Variants in HINFP observed in about 807,000 individuals in gnomAD.
HINFP encodes MBD2 (methyl-CpG-binding protein)-interacting zinc finger protein.
A neutral mutation model predicts 50.1 loss-of-function variants in HINFP; 20 were observed. The observed-to-expected ratio is 0.40, with a 90% confidence interval of 0.28 to 0.58. The LOEUF (loss-of-function observed/expected upper bound fraction) is 0.58. Ranked by LOEUF, HINFP falls within the 20% of genes least tolerant of loss-of-function variation. The pLI is 0.45. For missense variants in HINFP, 505 were observed against 664.1 expected (o/e 0.76, Z 2.63); for synonymous variants, 247 against 243.7 (o/e 1.01, Z -0.13).
In HINFP at chr11:119,135,349, C is replaced by T. The variant is rs1225756932; in HGVS notation, c.*851C>T. On this transcript the variant is annotated 3_prime_UTR_variant, in exon 10 of 10. Coordinates refer to ENST00000350777, the MANE Select transcript of HINFP (RefSeq NM_198971.3). ...GGAGGATAGGGCAGCTGACCATGGC[C>T]TCACTCTGAATACTGATTAGAACCC... 1 of 152,184 alleles carries T rather than the reference C, an allele frequency of 6.6e-6. No homozygotes were observed. Among genetic ancestry groups the T allele is most frequent in the East Asian group, 1.9e-4 (1 of 5,184 alleles). The allele number at this position is 152,184 out of a possible 1,614,324, so 9.4% of individuals were successfully genotyped here.
At chr11:119,121,996 C>G (rs1357677238) in intron 1 of HINFP, 1 of 152,304 alleles carries the variant, frequency 6.6e-6, no homozygotes, top group South Asian at 2.1e-4. Flanking sequence ...GTCTCTCTGT[C>G]CTGGTCTCCC....
chr11:119,127,925 G>A (rs1947508453), intron 2 of HINFP, among the ~76,000 whole-genome samples: 3 of 149,952 alleles, frequency 2.0e-5, no homozygotes, highest in South Asian at 4.2e-4. Context: ...GTTCGATCTC[G>A]GCTCACTGCA....
rs769231157 is a variant in HINFP at position 119,130,744 on chromosome 11, G to A, written c.201G>A (p.Leu67=). 2 of 1,614,096 alleles carry A rather than the reference G, an allele frequency of 1.2e-6. No homozygotes were observed. Among genetic ancestry groups the A allele is most frequent in the Non-Finnish European group, 1.7e-6 (2 of 1,179,926 alleles). The change falls in exon 3 of 10, where the codon TTG becomes TTA. Residue 67 remains leucine (L), a synonymous_variant. Transcript: ENST00000350777. ...DDPLEEEFSC[L]WQECGFCSLD... is the part of the protein sequence containing the mutation. The stretch of plus-strand genomic sequence containing the variant: ...CTACAGAGGAAGAATTCTCCTGCTT[G>A]TGGCAGGAATGTGGCTTTTGTTCTC...
intron 1 of HINFP, chr11:119,124,738 C>G (rs1947290682): frequency 6.6e-6 from 1 of 152,112 alleles, no homozygotes; most frequent in Non-Finnish European, 1.5e-5. Context: ...CTCTGGGAGG[C>G]TGAGGCGGGT....
chr11:119,126,750 A>G lies in HINFP; in HGVS notation c.-10-185A>G, dbSNP rs1328960558. On this transcript the variant is annotated intron_variant, in intron 1 of 9. Coordinates refer to ENST00000350777, the MANE Select transcript of HINFP (RefSeq NM_198971.3). ...GTGTTAGTTTTTGTTTTCCCTTTCC[A>G]CAAACACCAGACATCTTCCAGGGAT... is the stretch of plus-strand genomic sequence containing the variant. The G allele has an allele frequency of 2.6e-5, 14 of 544,998 alleles. 1 individual carries two copies. Among genetic ancestry groups the G allele is most frequent in the Non-Finnish European group, 4.2e-5 (13 of 312,508 alleles). 33.8% of individuals were successfully genotyped at this position (544,998 alleles called of 1,614,324 possible). A position where few individuals can be genotyped will look rare whatever the true frequency, so the allele number is the denominator to read the frequency against.
At chr11:119,133,670 G>A (rs181476445) in intron 9 of HINFP, 9 of 240,764 alleles carry the variant, frequency 3.7e-5, no homozygotes, top group African/African-American at 2.0e-4. Context: ...TAAGAATAAT[G>A]GTGGAGCAAA....
At chr11:119,130,046 C>T (rs1365397786) in intron 2 of HINFP, 1 of 152,226 alleles carries the variant, frequency 6.6e-6, no homozygotes, top group Admixed American at 6.5e-5. Flanking sequence ...CTTAGGGATG[C>T]TAGAGAGATA....
At chr11:119,133,659 C>G (rs1049506378) in intron 9 of HINFP, 1 of 228,424 alleles carries the variant, frequency 4.4e-6, no homozygotes, top group Non-Finnish European at 8.6e-6. Flanking sequence ...TCAAAGAATC[C>G]TAAGAATAAT....
In HINFP at chr11:119,131,516, C is replaced by T; in HGVS notation, c.412-19C>T. 2 of 1,581,668 alleles carry T rather than the reference C, an allele frequency of 1.3e-6. No individual in the cohort carries two copies. The highest frequency in any genetic ancestry group is 1.7e-6 in the Non-Finnish European group (2 of 1,150,434). On this transcript the variant is annotated intron_variant, in intron 3 of 9. Coordinates refer to ENST00000350777, the MANE Select transcript of HINFP (RefSeq NM_198971.3). This position sits in a 1 kb window ranked among gnomAD's most constrained non-coding sequence, Gnocchi z 4.2. Reference sequence around the variant, plus strand: ...CTCTACCCACCCTCAGTCCTCACCCCAAGTTGCCCCTGGCACAGAATTCCT... The same window carrying T: ...CTCTACCCACCCTCAGTCCTCACCCTAAGTTGCCCCTGGCACAGAATTCCT...
chr11:119,126,873 T>C, intron 1 of HINFP, 62 bp from the exon 2 acceptor site: 1 of 1,484,592 alleles, frequency 6.7e-7, no homozygotes, highest in Non-Finnish European at 9.1e-7. Context: ...TGCCCAGCTT[T>C]TTGCCCTCAG....
intron 9 of HINFP, 154 bp from the exon 10 acceptor site, chr11:119,133,930 A>G: frequency 1.1e-6 from 1 of 945,598 alleles, no homozygotes; most frequent in South Asian, 1.6e-5. Flanking sequence ...TTTCTTCTAC[A>G]TATTCCAATA....
rs761232973 is a variant in HINFP, at chr11:119,132,586, C to T, written c.754+13C>T. ...ATGCGCAACCATGGTGAGTGGCCTG[C>T]GGCCCACAGCCTCCCTCCTGCCCTC... On this transcript the variant is annotated intron_variant, in intron 6 of 9. Transcript: ENST00000350777. 31 of 1,613,954 alleles carry T rather than the reference C, an allele frequency of 1.9e-5. No homozygotes were observed. Among genetic ancestry groups the T allele is most frequent in the Middle Eastern group, 1.6e-4 (1 of 6,084 alleles).
chr11:119,132,003 G>A, intron 5 of HINFP, 21 bp downstream of exon 5: 2 of 1,613,436 alleles, frequency 1.2e-6, no homozygotes, highest in Non-Finnish European at 1.7e-6. Flanking sequence ...AGAGGAAGTG[G>A]GGTGGATGCA....
intron 2 of HINFP, chr11:119,130,376 C>T (rs1380211056): frequency 7.3e-6 from 2 of 273,664 alleles, no homozygotes; most frequent in Non-Finnish European, 1.4e-5. Context: ...GTCAAATGAC[C>T]TCTGTTTAAT....
Position 119,131,153 on chromosome 11 carries a change from A to G in HINFP, c.411+199A>G, listed in dbSNP as rs1947731721. The G allele has an allele frequency of 1.5e-5, 10 of 688,962 alleles. No individual in the cohort carries two copies. The highest frequency in any genetic ancestry group is 2.4e-5 in the Non-Finnish European group (9 of 378,862). The allele number at this position is 688,962 out of a possible 1,614,324, so 42.7% of individuals were successfully genotyped here. On this transcript the variant is annotated intron_variant, in intron 3 of 9. Transcript: ENST00000350777. The surrounding 1 kb of genome is among the most constrained non-coding windows in gnomAD (Gnocchi z 4.2). ...GCCCAGGCTAGAGTGCAGTGGTACA[A>G]TCATAGCTCACTGTAACCTTGAACT...
Position 119,131,113 on chromosome 11 carries a change from G to A in HINFP, c.411+159G>A, listed in dbSNP as rs1186216658. ...AAAATTTGTTTATTTTTTACACACA[G>A]GCTCTTGATCTGAAGCCCAGGCTAG... On this transcript the variant is annotated intron_variant, in intron 3 of 9. Transcript: ENST00000350777. The surrounding 1 kb of genome is among the most constrained non-coding windows in gnomAD (Gnocchi z 4.2). 1 of 736,658 alleles carries A rather than the reference G, an allele frequency of 1.4e-6. No individual in the cohort carries two copies. The highest frequency in any genetic ancestry group is 2.0e-5 in the Admixed American group (1 of 49,828). The allele number at this position is 736,658 out of a possible 1,614,324, so 45.6% of individuals were successfully genotyped here.
intron 2 of HINFP, among the ~76,000 whole-genome samples, chr11:119,128,370 A>G (rs552525966): frequency 3.0e-4 from 46 of 151,968 alleles, no homozygotes; most frequent in Non-Finnish European, 4.7e-4. Context: ...CAGTGGTGCA[A>G]TCTCGGCTCA....
intron 1 of HINFP, among the ~76,000 whole-genome samples, chr11:119,122,931 T>C (rs1048021720): frequency 3.3e-5 from 5 of 152,032 alleles, no homozygotes; most frequent in African/African-American, 9.7e-5. Context: ...GGGACCAGCC[T>C]GACCAACATG....
At position 119,134,165 on chromosome 11, in the gene HINFP, G is replaced by A. The variant is rs1592290252; in HGVS notation, c.1221G>A (p.Arg407=). The A allele has an allele frequency of 3.7e-6, 6 of 1,613,936 alleles. No homozygotes were observed. Among genetic ancestry groups the A allele is most frequent in the Non-Finnish European group, 5.1e-6 (6 of 1,180,004 alleles). ...TAGAGCTGACACAGCAACTGCTGCG[G>A]CAACCACAAGAGGGATCGGGCCTGG... is the stretch of plus-strand genomic sequence containing the variant. The part of the protein sequence containing the change: ...ESVELTQQLL[R]QPQEGSGLGT... The change falls in exon 10 of 10, where the codon CGG becomes CGA. Residue 407 remains arginine, a synonymous_variant. Transcript: ENST00000350777. The surrounding 1 kb of genome is among the most constrained non-coding windows in gnomAD (Gnocchi z 4.3).
Sources: allele counts gnomAD v4.1 joint callset (sites outside exome capture counted in the v4.1 genomes callset), GRCh38; gene constraint gnomAD v4.1.1; non-coding constraint Gnocchi (gnomAD v3.1); transcripts MANE v1.5; gene names NCBI Gene and HGNC (gene_info 2026-07-23, HGNC 2026-07-21).